Variants in ZMYM4 observed in about 807,000 individuals in gnomAD.
The protein encoded by ZMYM4 is zinc finger MYM-type containing 4.
In ZMYM4, 31 loss-of-function variants were observed where a neutral mutation model predicts 183.2. That is an observed-to-expected ratio of 0.17 (90% confidence interval 0.13 to 0.23). The LOEUF (loss-of-function observed/expected upper bound fraction) is 0.23. Ranked by LOEUF, ZMYM4 falls within the 10% of genes least tolerant of loss-of-function variation. The pLI, the probability that ZMYM4 is intolerant of heterozygous loss-of-function variation, is 1.00. For synonymous variants in ZMYM4, 592 were observed against 631.2 expected (o/e 0.94, Z 0.93); for missense variants, 1,273 against 1,840.3 (o/e 0.69, Z 5.64).
chr1:35,305,287 TA>T (rs1454459103), intron 1 of ZMYM4, among the ~76,000 whole-genome samples: 2 of 152,260 alleles, frequency 1.3e-5, no homozygotes, highest in Non-Finnish European at 2.9e-5. Context: ...GACAGAACTA[TA>T]AATCTGCAGC....
intron 2 of ZMYM4, among the ~76,000 whole-genome samples, chr1:35,331,791 A>AAAATAAATAAATAAAT (rs562461345): frequency 1.2e-5 from 1 of 84,428 alleles, no homozygotes; most frequent in South Asian, 3.9e-4. Context: ...CTCCATCTCA[A>AAAATAAATAAATAAAT]AAATACATAA....
At chr1:35,384,884 G>T (rs1000285401) in intron 9 of ZMYM4, among the ~76,000 whole-genome samples, 1 of 131,580 alleles carries the variant, frequency 7.6e-6, no homozygotes, top group East Asian at 2.1e-4. Context: ...TCATTCTGTC[G>T]CCAGGCTGGA....
rs1330872069 is a variant in ZMYM4 at position 35,421,530 on chromosome 1, A to G, written c.*1853A>G. On this transcript the variant is annotated 3_prime_UTR_variant, in exon 30 of 30. Transcript: ENST00000314607. The stretch of plus-strand genomic sequence containing the variant: ...TTTTCCCCTTCTGTAGTTGTATGAA[A>G]AAACAAATATTGTTAGCATAGTAGA... 1.3e-5 allele frequency: 2 copies of G among 152,506 alleles called. No homozygotes were observed. The highest frequency in any genetic ancestry group is 2.9e-5 in the Non-Finnish European group (2 of 68,042). 9.4% of individuals were successfully genotyped at this position (152,506 alleles called of 1,614,324 possible). A position where few individuals can be genotyped will look rare whatever the true frequency, so the allele number is the denominator to read the frequency against.
chr1:35,313,944 G>A (rs936785808), intron 1 of ZMYM4, among the ~76,000 whole-genome samples: 2 of 152,182 alleles, frequency 1.3e-5, no homozygotes, highest in Non-Finnish European at 2.9e-5. Flanking sequence ...ACCATTTGCT[G>A]ACTAGAGGTC....
intron 23 of ZMYM4, among the ~76,000 whole-genome samples, chr1:35,401,691 C>T (rs760836155): frequency 6.6e-6 from 1 of 152,102 alleles, no homozygotes; most frequent in African/African-American, 2.4e-5. Flanking sequence ...TTGCCTAACT[C>T]ATAGTAACTA....
At chr1:35,319,294 C>T (rs534757397) in intron 1 of ZMYM4, among the ~76,000 whole-genome samples, 1 of 152,228 alleles carries the variant, frequency 6.6e-6, no homozygotes, top group Admixed American at 6.5e-5. Context: ...CTTGCATAGT[C>T]GTTTTTATAT....
At chr1:35,339,443 C>G (rs1414101008) in intron 2 of ZMYM4, among the ~76,000 whole-genome samples, 2 of 152,120 alleles carry the variant, frequency 1.3e-5, no homozygotes, top group African/African-American at 4.8e-5. Context: ...CCACACTGGC[C>G]AGGATGGTCT....
rs1231646476 is a variant in ZMYM4, at chr1:35,352,386, G to GCGCACA, written c.86-6538_86-6537insGCACAC. On this transcript the variant is annotated intron_variant, in intron 2 of 29. Coordinates refer to ENST00000314607, the MANE Select transcript of ZMYM4 (RefSeq NM_005095.3). ...CTCTACTAATAATTTAAAAATTAGC[G>GCGCACA]CACACACACACACACACACACACAC... Among the ~76,000 whole-genome samples the GCGCACA allele has an allele frequency of 9.8e-3, 1,263 of 128,470 alleles. 41 individuals carry two copies. Among genetic ancestry groups the GCGCACA allele is most frequent in the African/African-American group, 0.032 (1,079 of 33,760 alleles). 84.3% of individuals were successfully genotyped at this position (128,470 alleles called of 152,430 possible).
At chr1:35,322,758 C>T (rs959795209) in intron 1 of ZMYM4, among the ~76,000 whole-genome samples, 2 of 152,148 alleles carry the variant, frequency 1.3e-5, no homozygotes, top group African/African-American at 2.4e-5. Flanking sequence ...GGCGTGATCT[C>T]GGCTCACTGT....
intron 15 of ZMYM4, among the ~76,000 whole-genome samples, chr1:35,390,459 A>G (rs1354343321): frequency 2.0e-5 from 3 of 152,014 alleles, no homozygotes; most frequent in African/African-American, 7.3e-5. Flanking sequence ...GGGGGTCACA[A>G]AGTGCTCAGT....
Position 35,419,534 on chromosome 1 carries a change from A to C in ZMYM4, c.4504A>C (p.Asn1502His). The C allele has an allele frequency of 6.2e-7, 1 of 1,614,070 alleles. No individual in the cohort carries two copies. The highest frequency in any genetic ancestry group is 1.3e-5 in the African/African-American group (1 of 75,006). The change falls in exon 30 of 30, where the codon AAT (asparagine) becomes CAT (histidine). Residue 1502 changes from asparagine to histidine, a missense_variant. By Grantham distance (68) the Asn-to-His change is moderately conservative. Coordinates refer to ENST00000314607, the MANE Select transcript of ZMYM4 (RefSeq NM_005095.3). ...YLQPERSCVPNSPMWYSTFPI... is the reference protein window; with the variant it reads ...YLQPERSCVPHSPMWYSTFPI... ...TCAACCTGAGCGCTCCTGTGTCCCG[A>C]ATAGCCCCATGTGGTACTCCACATT...
chr1:35,404,054 C>G (rs892742353), intron 23 of ZMYM4, among the ~76,000 whole-genome samples: 4 of 152,044 alleles, frequency 2.6e-5, no homozygotes, highest in Non-Finnish European at 4.4e-5. Context: ...TTTGGATTTC[C>G]TTTTCTGGTT....
rs1337773680 is a variant in ZMYM4, at chr1:35,386,439, C to T, written c.1836+250C>T. ...TGGGCTCAAGAGGAAGAGAGAGAAG[C>T]GGGAGGTGCTACACTTTTAAACAAC... On this transcript the variant is annotated intron_variant, in intron 11 of 29. Coordinates refer to ENST00000314607, the MANE Select transcript of ZMYM4 (RefSeq NM_005095.3). Among the ~76,000 whole-genome samples the T allele has an allele frequency of 3.2e-4, 49 of 152,106 alleles. 2 individuals carry two copies. The highest frequency in any genetic ancestry group is 3.0e-3 in the Admixed American group (46 of 15,292).
At chr1:35,269,122 C>T (rs1298526091) in intron 1 of ZMYM4, 37 bp downstream of exon 1, 10 of 1,540,868 alleles carry the variant, frequency 6.5e-6, no homozygotes, top group Non-Finnish European at 8.8e-6. Flanking sequence ...CGGCGGGGGG[C>T]GGGGCGCGGC....
Position 35,295,762 on chromosome 1 carries a change from G to A in ZMYM4, c.39+26677G>A, listed in dbSNP as rs1259882262. 2.6e-5 allele frequency among the ~76,000 whole-genome samples: 4 copies of A among 152,192 alleles called. No individual in the cohort carries two copies. The East Asian group carries it at 7.7e-4, about 29-fold the overall frequency. ...CAGAGTCCTTCCTCAAGAGGACCCA[G>A]TCTGTCCTCAGTCAAGAGTCTGGCT... On this transcript the variant is annotated intron_variant, in intron 1 of 29. Coordinates refer to ENST00000314607, the MANE Select transcript of ZMYM4 (RefSeq NM_005095.3).
intron 1 of ZMYM4, among the ~76,000 whole-genome samples, chr1:35,269,336 G>T (rs932821843): frequency 6.6e-6 from 1 of 152,124 alleles, no homozygotes. Context: ...ACGTTCCCCA[G>T]CACTGGGGTG....
In ZMYM4 at chr1:35,399,528, C is replaced by T. The variant is rs753087207; in HGVS notation, c.3480C>T (p.Ser1160=). The stretch of plus-strand genomic sequence containing the variant: ...AAGGACAGGGAATCCAGGCACGTTC[C>T]CGAACAAGACGACGACACAGAGATG... ...LNKGQGIQAR[S]RTRRRHRDGF... Residue 1160 remains serine (S), a synonymous_variant, in exon 23 of 30, where the codon TCC becomes TCT. Coordinates refer to ENST00000314607, the MANE Select transcript of ZMYM4 (RefSeq NM_005095.3). 1.2e-6 allele frequency: 2 copies of T among 1,613,960 alleles called. No homozygotes were observed. The highest frequency in any genetic ancestry group is 1.1e-5 in the South Asian group (1 of 91,072).
intron 2 of ZMYM4, chr1:35,351,327 G>T: frequency 1.3e-6 from 2 of 1,572,596 alleles, no homozygotes; most frequent in South Asian, 1.1e-5. Flanking sequence ...GGGCCAGAAA[G>T]TTGCAGATTA....
chr1:35,352,926 G>A (rs1570418384), intron 2 of ZMYM4, among the ~76,000 whole-genome samples: 2 of 151,958 alleles, frequency 1.3e-5, no homozygotes, highest in African/African-American at 4.8e-5. Flanking sequence ...TCATTTCTTG[G>A]CCAGTCTTCT....
Sources: gnomAD v4.1 joint callset for allele counts (sites outside exome capture counted in the v4.1 genomes callset) on GRCh38, gnomAD v4.1.1 for gene constraint, MANE v1.5 for transcripts, NCBI Gene and HGNC (gene_info 2026-07-23, HGNC 2026-07-21) for gene names.